The following ADAMTS9 variants were observed in gnomAD, a reference collection of about 807,000 sequenced individuals.
ADAMTS9 encodes the protein ADAM metallopeptidase with thrombospondin type 1 motif 9, also known as A disintegrin and metalloproteinase with thrombospondin motifs 9.
Under a neutral mutation model 257.1 loss-of-function variants are expected in ADAMTS9, and 107 were observed. The ratio of observed to expected loss-of-function variants is 0.42; its 90% CI spans 0.36 to 0.49. The LOEUF (loss-of-function observed/expected upper bound fraction) is 0.49. ADAMTS9 is among the 20% of genes least tolerant of loss of function. The probability of loss-of-function intolerance (pLI) is 0.03; values close to 1 mark genes in which losing one functional copy is unlikely to be tolerated. For missense variants in ADAMTS9, 2,353 were observed against 2,469.1 expected (o/e 0.95, Z 1.00); for synonymous variants, 982 against 880.9 (o/e 1.11, Z -2.03).
chr3:64,523,437 T>C (rs1188351342), intron 38 of ADAMTS9, among the ~76,000 whole-genome samples: 4 of 152,156 alleles, frequency 2.6e-5, no homozygotes, highest in Non-Finnish European at 5.9e-5. Context: ...TGGAATAGTT[T>C]ATGGAACAAG....
At chr3:64,632,880 C>G (rs962566789) in intron 14 of ADAMTS9, among the ~76,000 whole-genome samples, 1 of 151,950 alleles carries the variant, frequency 6.6e-6, no homozygotes, top group Non-Finnish European at 1.5e-5. Context: ...TCTCAGAGCC[C>G]AACCGGGTTA....
chr3:64,591,031 A>G (rs556963615), intron 28 of ADAMTS9, among the ~76,000 whole-genome samples: 1 of 152,288 alleles, frequency 6.6e-6, no homozygotes, highest in Non-Finnish European at 1.5e-5. Context: ...CTGTGGTTCG[A>G]TAGTATAGAG....
At chr3:64,586,938 G>A (rs1021568163) in intron 28 of ADAMTS9, 1 of 152,116 alleles carries the variant, frequency 6.6e-6, no homozygotes, top group African/African-American at 2.4e-5. Context: ...CTTCTACAAG[G>A]TGGCTACCTG....
At chr3:64,607,878 G>C (rs569680787) in intron 22 of ADAMTS9, among the ~76,000 whole-genome samples, 129 of 152,098 alleles carry the variant, frequency 8.5e-4, no homozygotes, top group Admixed American at 1.2e-3. Context: ...TTTTTAAAGA[G>C]AGACCATACG....
intron 16 of ADAMTS9, among the ~76,000 whole-genome samples, chr3:64,628,154 A>G (rs9827547): frequency 0.015 from 2,272 of 152,294 alleles, 63 homozygotes; most frequent in African/African-American, 0.05. Context: ...TTAAAGTGTC[A>G]TAACTGGCTC....
intron 2 of ADAMTS9, among the ~76,000 whole-genome samples, chr3:64,684,144 T>C (rs1317605038): frequency 2.0e-5 from 3 of 151,976 alleles, no homozygotes; most frequent in Non-Finnish European, 2.9e-5. Flanking sequence ...GGAGGAAAGA[T>C]TGGGAGCTGA....
intron 27 of ADAMTS9, among the ~76,000 whole-genome samples, chr3:64,594,842 AGTGGCACGATCTC>A (rs2084333432): frequency 6.6e-6 from 1 of 152,142 alleles, no homozygotes; most frequent in Non-Finnish European, 1.5e-5. Flanking sequence ...GCTGGAATGC[AGTGGCACGATCTC>A]GGCTCACTGC....
chr3:64,583,077 G>A (rs1282659403), intron 28 of ADAMTS9: 2 of 152,192 alleles, frequency 1.3e-5, no homozygotes, highest in African/African-American at 2.4e-5. Flanking sequence ...TGAACATGAT[G>A]AGGATATAAC....
chr3:64,629,147 T>G (rs11707060), intron 16 of ADAMTS9, among the ~76,000 whole-genome samples: 7 of 151,986 alleles, frequency 4.6e-5, no homozygotes, highest in Admixed American at 1.3e-4. Flanking sequence ...CCACTTTCAC[T>G]GCTCCCATTG....
intron 23 of ADAMTS9, among the ~76,000 whole-genome samples, chr3:64,604,836 T>C (rs2084529705): frequency 6.6e-6 from 1 of 152,222 alleles, no homozygotes; most frequent in South Asian, 2.1e-4. Context: ...AATTGGCCAA[T>C]GCCTGGACTT....
intron 26 of ADAMTS9, among the ~76,000 whole-genome samples, chr3:64,598,720 T>C (rs1312974918): frequency 1.3e-5 from 2 of 152,190 alleles, no homozygotes; most frequent in Non-Finnish European, 2.9e-5. Flanking sequence ...TTTTAAATGT[T>C]AGGAAGGGCC....
At chr3:64,656,807 G>A (rs1176086908) in intron 4 of ADAMTS9, among the ~76,000 whole-genome samples, 1 of 152,004 alleles carries the variant, frequency 6.6e-6, no homozygotes, top group Non-Finnish European at 1.5e-5. Flanking sequence ...AGGGGAATGG[G>A]TCACAGCAGT....
At chr3:64,572,073 A>G (rs760537851) in intron 28 of ADAMTS9, among the ~76,000 whole-genome samples, 11 of 139,362 alleles carry the variant, frequency 7.9e-5, no homozygotes, top group African/African-American at 2.9e-4. Flanking sequence ...TACTTTGCCA[A>G]TAGGACTCTG....
At position 64,557,808 on chromosome 3, in the gene ADAMTS9, C is replaced by A. The variant is rs527802296; in HGVS notation, c.4698+3770G>T. ...CACACACTGAACAGAATTTTGCCTACAACATGTTGTTTCTAGGATGTAAAC... is the reference window on the plus strand; with the variant it reads ...CACACACTGAACAGAATTTTGCCTAAAACATGTTGTTTCTAGGATGTAAAC... On this transcript the variant is annotated intron_variant, in intron 30 of 39. Coordinates refer to ENST00000498707, the MANE Select transcript of ADAMTS9 (RefSeq NM_182920.2). Among the ~76,000 whole-genome samples the A allele has an allele frequency of 4.3e-4, 65 of 152,298 alleles. 1 individual carries two copies. Among genetic ancestry groups the A allele is most frequent in the African/African-American group, 1.4e-3 (59 of 41,550 alleles).
At position 64,674,340 on chromosome 3, in the gene ADAMTS9, C is replaced by T. The variant is rs542852917; in HGVS notation, c.679+6861G>A. On this transcript the variant is annotated intron_variant, in intron 3 of 39. Transcript: ENST00000498707. Reference sequence around the variant, plus strand: ...AAAATGAAAGGAAATCAGGCTCAAACCATAAATCCCAAATGGCAATAACTA... The same window carrying T: ...AAAATGAAAGGAAATCAGGCTCAAATCATAAATCCCAAATGGCAATAACTA... 2.0e-5 allele frequency among the ~76,000 whole-genome samples: 3 copies of T among 152,264 alleles called. No homozygotes were observed. The South Asian group carries it at 6.2e-4, about 32-fold the overall frequency.
intron 9 of ADAMTS9, 100 bp downstream of exon 9, chr3:64,650,917 C>T: frequency 1.6e-5 from 17 of 1,043,082 alleles, no homozygotes; most frequent in South Asian, 1.1e-4. Flanking sequence ...AAAAATAACT[C>T]AAAAGGAATG....
intron 28 of ADAMTS9, chr3:64,592,649 T>A (rs2084284587): frequency 6.6e-6 from 1 of 152,132 alleles, no homozygotes; most frequent in Admixed American, 6.5e-5. Context: ...TATAGAATAA[T>A]CAATGGAACT....
At chr3:64,594,882 G>A (rs1334382474) in intron 27 of ADAMTS9, among the ~76,000 whole-genome samples, 2 of 152,054 alleles carry the variant, frequency 1.3e-5, no homozygotes, top group Non-Finnish European at 2.9e-5. Flanking sequence ...CGCCTCCCAG[G>A]TTCAAGTGAT....
chr3:64,561,321 G>GTT (rs34071104), intron 30 of ADAMTS9: 15,642 of 205,402 alleles, frequency 0.076, 731 homozygotes, highest in East Asian at 0.18. Context: ...GCCTGTTAAA[G>GTT]TTTTTTTTTT....
Sources: gnomAD v4.1 joint callset for allele counts (sites outside exome capture counted in the v4.1 genomes callset) on GRCh38, gnomAD v4.1.1 for gene constraint, MANE v1.5 for transcripts, NCBI Gene and HGNC (gene_info 2026-07-23, HGNC 2026-07-21) for gene names.